PCDHA8: variants seen among roughly 807,000 people sequenced by gnomAD.
PCDHA8 encodes protocadherin alpha-8.
PCDHA8 carries 53 observed loss-of-function variants against 61.8 expected under a neutral mutation model. The ratio of observed to expected loss-of-function variants is 0.86; its 90% CI spans 0.69 to 1.08. PCDHA8 has a LOEUF of 1.08. Among genes scored for constraint, PCDHA8 ranks in the 50% least tolerant of loss-of-function variants. PCDHA8 has a pLI of 0.00. For synonymous variants in PCDHA8, 618 were observed against 556.6 expected (o/e 1.11, Z -1.55); for missense variants, 1,293 against 1,245.0 (o/e 1.04, Z -0.58).
chr5:140,999,431 C>G (rs1554256799), intron 3 of PCDHA8, among the ~76,000 whole-genome samples: 1 of 152,134 alleles, frequency 6.6e-6, no homozygotes, highest in African/African-American at 2.4e-5. Context: ...GGCCAAGTAC[C>G]TTGCCTCTTA....
intron 1 of PCDHA8, chr5:140,967,556 G>A (rs1586226034): frequency 6.2e-7 from 1 of 1,614,030 alleles, no homozygotes; most frequent in East Asian, 2.2e-5. Context: ...CACTTATCGC[G>A]TCCAGCTACG....
intron 1 of PCDHA8, among the ~76,000 whole-genome samples, chr5:140,923,449 G>A (rs189150090): frequency 6.6e-6 from 1 of 152,166 alleles, no homozygotes; most frequent in African/African-American, 2.4e-5. Flanking sequence ...GATCACCTGA[G>A]CCCAGAGAGG....
At chr5:140,920,923 G>C (rs1229531762) in intron 1 of PCDHA8, among the ~76,000 whole-genome samples, 5 of 151,200 alleles carry the variant, frequency 3.3e-5, no homozygotes, top group African/African-American at 1.2e-4. Flanking sequence ...TCCAAGAGTA[G>C]GTGATCTAGC....
chr5:141,000,485 T>C (rs2097941579), intron 3 of PCDHA8, among the ~76,000 whole-genome samples: 2 of 135,980 alleles, frequency 1.5e-5, no homozygotes, highest in African/African-American at 5.5e-5. Flanking sequence ...TGGAGTGCAA[T>C]GGTAAGATCT....
At chr5:140,923,165 A>G (rs1307354165) in intron 1 of PCDHA8, among the ~76,000 whole-genome samples, 1 of 152,148 alleles carries the variant, frequency 6.6e-6, no homozygotes. Context: ...AGAAAGATAA[A>G]TTTTTGTTCA....
intron 1 of PCDHA8, among the ~76,000 whole-genome samples, chr5:140,950,864 A>G (rs1014752748): frequency 1.3e-5 from 2 of 151,930 alleles, no homozygotes; most frequent in Non-Finnish European, 2.9e-5. Context: ...ATTCTTGTAT[A>G]TTCTATATTG....
At chr5:140,939,285 T>A (rs2092357056) in intron 1 of PCDHA8, among the ~76,000 whole-genome samples, 1 of 152,108 alleles carries the variant, frequency 6.6e-6, no homozygotes, top group Admixed American at 6.5e-5. Flanking sequence ...GCCCTCGTGA[T>A]CTAATCATCT....
At chr5:140,862,837 A>T (rs1562571150) in intron 1 of PCDHA8, 1 of 575,832 alleles carries the variant, frequency 1.7e-6, no homozygotes, top group African/African-American at 1.9e-5. Context: ...CGACGCGGGC[A>T]TGCCGCCTCT....
At chr5:140,908,470 G>C (rs2073991280) in intron 1 of PCDHA8, among the ~76,000 whole-genome samples, 1 of 152,186 alleles carries the variant, frequency 6.6e-6, no homozygotes, top group Non-Finnish European at 1.5e-5. Flanking sequence ...AAAGCACCCA[G>C]TTCATGATAG....
rs1422050863 is a variant in PCDHA8 at position 140,908,165 on chromosome 5, G to A, written c.2394+64450G>A. ...GTATGTCCTAGGAAGGGGCTGTAGT[G>A]CTGCAGCTGTCCACTTTCAGGTGGT... On this transcript the variant is annotated intron_variant, in intron 1 of 3. Coordinates refer to ENST00000531613, the MANE Select transcript of PCDHA8 (RefSeq NM_018911.3). 2.6e-5 allele frequency among the ~76,000 whole-genome samples: 4 copies of A among 152,222 alleles called. 1 individual carries two copies. The highest frequency in any genetic ancestry group is 5.9e-5 in the Non-Finnish European group (4 of 68,046).
intron 3 of PCDHA8, among the ~76,000 whole-genome samples, chr5:140,989,275 G>A (rs2097335515): frequency 6.6e-6 from 1 of 152,096 alleles, no homozygotes; most frequent in African/African-American, 2.4e-5. Context: ...TTTCTGCTGG[G>A]GACATCTCAG....
At chr5:140,871,113 G>A (rs782238733) in intron 1 of PCDHA8, 24 of 1,613,188 alleles carry the variant, frequency 1.5e-5, no homozygotes, top group South Asian at 7.7e-5. Flanking sequence ...CGTTGGTGGA[G>A]AGCGGACAGG....
chr5:140,959,141 C>G (rs936183508), intron 1 of PCDHA8, among the ~76,000 whole-genome samples: 1 of 151,924 alleles, frequency 6.6e-6, no homozygotes, highest in Admixed American at 6.6e-5. Context: ...CTTTGGGAGG[C>G]CAAAGTGGGC....
chr5:140,941,527 G>A (rs1324655767), intron 1 of PCDHA8, among the ~76,000 whole-genome samples: 1 of 151,580 alleles, frequency 6.6e-6, no homozygotes, highest in African/African-American at 2.4e-5. Flanking sequence ...ATCTTGACCA[G>A]GCTGGTCTTG....
At chr5:140,873,161 C>G (rs946054760) in intron 1 of PCDHA8, among the ~76,000 whole-genome samples, 2 of 152,012 alleles carry the variant, frequency 1.3e-5, no homozygotes, top group South Asian at 2.1e-4. Context: ...GACTTTAGAT[C>G]GAGAGCTTTT....
intron 1 of PCDHA8, chr5:140,875,557 G>C: frequency 5.6e-6 from 9 of 1,614,064 alleles, no homozygotes; most frequent in Non-Finnish European, 7.6e-6. Flanking sequence ...GGTGGGGAGC[G>C]GCCAGCTCCA....
chr5:140,912,900 T>A (rs979059809), intron 1 of PCDHA8, among the ~76,000 whole-genome samples: 1 of 152,264 alleles, frequency 6.6e-6, no homozygotes, highest in Non-Finnish European at 1.5e-5. Context: ...ATATGATGTA[T>A]CATATTGATT....
At chr5:140,867,981 A>G (rs1451119630) in intron 1 of PCDHA8, 5 of 152,162 alleles carry the variant, frequency 3.3e-5, no homozygotes, top group African/African-American at 4.8e-5. Context: ...CAAGAAACAA[A>G]CTATTTTCAT....
At chr5:140,850,122 C>T in intron 1 of PCDHA8, 2 of 1,595,914 alleles carry the variant, frequency 1.3e-6, no homozygotes, top group Non-Finnish European at 1.7e-6. Context: ...CGCGGGCGTG[C>T]CGCCTCTGGG....
Sources: gnomAD v4.1 joint callset for allele counts (sites outside exome capture counted in the v4.1 genomes callset) on GRCh38, gnomAD v4.1.1 for gene constraint, MANE v1.5 for transcripts, NCBI Gene and HGNC (gene_info 2026-07-23, HGNC 2026-07-21) for gene names.